Variants in SORCS2 observed in about 807,000 individuals in gnomAD.
SORCS2 encodes the protein VPS10 domain-containing receptor SorCS2.
A neutral mutation model predicts 141.6 loss-of-function variants in SORCS2; 100 were observed. That is an observed-to-expected ratio of 0.71 (90% CI 0.60 to 0.83). The LOEUF is 0.83. Ranked by LOEUF, SORCS2 falls within the 40% of genes least tolerant of loss-of-function variation. The pLI is 0.00. For missense variants in SORCS2, 1,646 were observed against 1,560.2 expected (o/e 1.05, Z -0.93); for synonymous variants, 789 against 676.9 (o/e 1.17, Z -2.57).
intron 1 of SORCS2, among the ~76,000 whole-genome samples, chr4:7,314,332 A>T (rs10446502): frequency 0.43 from 42,041 of 98,392 alleles, 6,144 homozygotes; most frequent in South Asian, 0.51. Flanking sequence ...CCTTTTTTTT[A>T]TTTTTTTTAT....
intron 2 of SORCS2, among the ~76,000 whole-genome samples, chr4:7,416,740 A>G (rs201553004): frequency 8.0e-6 from 1 of 124,266 alleles, no homozygotes; most frequent in Non-Finnish European, 1.7e-5. Context: ...ACACGCATGC[A>G]CACACACTTG....
At chr4:7,239,385 T>C (rs1382197760) in intron 1 of SORCS2, among the ~76,000 whole-genome samples, 1 of 152,228 alleles carries the variant, frequency 6.6e-6, no homozygotes, top group Non-Finnish European at 1.5e-5. Flanking sequence ...CTATACCTGG[T>C]TGGAGTCCCC....
chr4:7,544,275 C>T (rs1713077027), intron 3 of SORCS2, among the ~76,000 whole-genome samples: 1 of 152,244 alleles, frequency 6.6e-6, no homozygotes, highest in Non-Finnish European at 1.5e-5. Flanking sequence ...TATGCTGCTG[C>T]TGACACCTGT....
intron 7 of SORCS2, among the ~76,000 whole-genome samples, chr4:7,665,460 C>T (rs984032828): frequency 2.6e-5 from 4 of 152,218 alleles, no homozygotes; most frequent in African/African-American, 9.6e-5. Flanking sequence ...CGTACTGTTC[C>T]CTGTGCTGTG....
intron 2 of SORCS2, among the ~76,000 whole-genome samples, chr4:7,456,980 G>A (rs1010656411): frequency 2.0e-5 from 3 of 152,080 alleles, no homozygotes; most frequent in African/African-American, 4.8e-5. Flanking sequence ...GGGGTGAGTC[G>A]ACGAGGTCAG....
chr4:7,579,836 A>G (rs1031750982), intron 3 of SORCS2, among the ~76,000 whole-genome samples: 5 of 152,116 alleles, frequency 3.3e-5, no homozygotes, highest in African/African-American at 1.2e-4. Context: ...AGGAAATTAT[A>G]CACGTAGAAA....
chr4:7,724,339 A>G (rs1237731223), intron 19 of SORCS2, among the ~76,000 whole-genome samples: 20 of 122,910 alleles, frequency 1.6e-4, no homozygotes, highest in Non-Finnish European at 1.8e-4. Flanking sequence ...GGTGATGGTG[A>G]TGATGGTAAC....
At chr4:7,739,241 GCGT>G (rs896122711) in intron 26 of SORCS2, among the ~76,000 whole-genome samples, 1 of 152,046 alleles carries the variant, frequency 6.6e-6, no homozygotes, top group Non-Finnish European at 1.5e-5. Context: ...CCGCGGGTGA[GCGT>G]CCTACAACTC....
In SORCS2 at chr4:7,378,353, C is replaced by T. The variant is rs528594969; in HGVS notation, c.481-17935C>T. Among the ~76,000 whole-genome samples, 10 of 152,186 alleles carry T rather than the reference C, an allele frequency of 6.6e-5. No individual in the cohort carries two copies. In the East Asian group the frequency reaches 7.8e-4, roughly 12 times the overall value. ...TCTCACACTGCTATGAAGAAATACC[C>T]GAGACTGGGTAATTTATAAAGAAAA... On this transcript the variant is annotated intron_variant, in intron 1 of 26. Coordinates refer to ENST00000507866, the MANE Select transcript of SORCS2 (RefSeq NM_020777.3).
intron 3 of SORCS2, among the ~76,000 whole-genome samples, chr4:7,568,923 G>T (rs1715198470): frequency 6.6e-6 from 1 of 152,164 alleles, no homozygotes; most frequent in African/African-American, 2.4e-5. Flanking sequence ...AATCTCAAAG[G>T]TGGTATGGGA....
intron 1 of SORCS2, among the ~76,000 whole-genome samples, chr4:7,304,146 C>T (rs531491357): frequency 6.6e-6 from 1 of 152,336 alleles, no homozygotes; most frequent in East Asian, 1.9e-4. Flanking sequence ...GAGATAACAG[C>T]AAAGAGCAAA....
At chr4:7,405,533 T>C (rs530111686) in intron 2 of SORCS2, among the ~76,000 whole-genome samples, 1 of 152,178 alleles carries the variant, frequency 6.6e-6, no homozygotes, top group South Asian at 2.1e-4. Flanking sequence ...AAGGAGGCGT[T>C]TGTAGTTTTC....
At chr4:7,605,285 C>G (rs948123824) in intron 3 of SORCS2, among the ~76,000 whole-genome samples, 1 of 152,220 alleles carries the variant, frequency 6.6e-6, no homozygotes, top group African/African-American at 2.4e-5. Context: ...GTGTTTCACA[C>G]AGAACTCCTG....
At chr4:7,570,004 G>A (rs963354388) in intron 3 of SORCS2, among the ~76,000 whole-genome samples, 3 of 152,176 alleles carry the variant, frequency 2.0e-5, no homozygotes, top group African/African-American at 4.8e-5. Context: ...GGCAGGGGAC[G>A]AGGGCTCCCA....
At chr4:7,424,414 C>T (rs1726287205) in intron 2 of SORCS2, among the ~76,000 whole-genome samples, 2 of 152,258 alleles carry the variant, frequency 1.3e-5, no homozygotes, top group African/African-American at 4.8e-5. Flanking sequence ...CGTTGTCCCT[C>T]TGGCATCACT....
chr4:7,275,638 T>C (rs55727109), intron 1 of SORCS2, among the ~76,000 whole-genome samples: 15,423 of 152,140 alleles, frequency 0.1, 1,117 homozygotes, highest in Admixed American at 0.24. Flanking sequence ...GTGTACCTGG[T>C]TCTAGAATTT....
In SORCS2 at chr4:7,641,316, G is replaced by A. The variant is rs185980601; in HGVS notation, c.813+2824G>A. Among the ~76,000 whole-genome samples the A allele has an allele frequency of 7.3e-5, 11 of 151,714 alleles. No individual in the cohort carries two copies. In the East Asian group the frequency reaches 2.1e-3, roughly 29 times the overall value. ...ATGGTGGAAGGTGAAGGGGAAGCAG[G>A]CATCATCTTCACAAGGCATCAGGAG... is the stretch of plus-strand genomic sequence containing the variant. On this transcript the variant is annotated intron_variant, in intron 4 of 26. Coordinates refer to ENST00000507866, the MANE Select transcript of SORCS2 (RefSeq NM_020777.3).
intron 2 of SORCS2, among the ~76,000 whole-genome samples, chr4:7,440,103 A>T (rs1252502943): frequency 6.6e-6 from 1 of 152,138 alleles, no homozygotes; most frequent in Non-Finnish European, 1.5e-5. Flanking sequence ...GGCTGTATTT[A>T]TTTTTTTATT....
rs911628588 is a variant in SORCS2 at position 7,417,704 on chromosome 4, C to T, written c.548+21349C>T. 2.0e-5 allele frequency among the ~76,000 whole-genome samples: 3 copies of T among 152,364 alleles called. No homozygotes were observed. The South Asian group carries it at 6.2e-4, about 32-fold the overall frequency. On this transcript the variant is annotated intron_variant, in intron 2 of 26. Transcript: ENST00000507866. The stretch of plus-strand genomic sequence containing the variant: ...TTCCCCTGACCCTGCTGGGCCTCGG[C>T]TTGCCCAGGCGTGCACTCCTCTGGT...
Sources: gnomAD v4.1 joint callset for allele counts (sites outside exome capture counted in the v4.1 genomes callset) on GRCh38, gnomAD v4.1.1 for gene constraint, MANE v1.5 for transcripts, NCBI Gene and HGNC (gene_info 2026-07-23, HGNC 2026-07-21) for gene names.